USP37: variants seen among roughly 807,000 people sequenced by gnomAD.
USP37 encodes ubiquitin carboxyl-terminal hydrolase 37.
A neutral mutation model predicts 124.0 loss-of-function variants in USP37; 27 were observed. The observed-to-expected ratio is 0.22, with a 90% confidence interval of 0.16 to 0.30. USP37 has a LOEUF of 0.30. Among genes scored for constraint, USP37 ranks in the 10% least tolerant of loss-of-function variants. USP37 has a pLI of 1.00. For missense variants in USP37, 889 were observed against 1,140.4 expected, an observed-to-expected ratio of 0.78 and a Z score of 3.17; for synonymous variants, 365 against 388.0, an observed-to-expected ratio of 0.94 and a Z score of 0.70.
intron 8 of USP37, among the ~76,000 whole-genome samples, chr2:218,537,529 G>A (rs1691722489): frequency 6.6e-6 from 1 of 152,148 alleles, no homozygotes; most frequent in Non-Finnish European, 1.5e-5. Context: ...AGCCAAACTG[G>A]GCCCAGATAA....
At chr2:218,542,328 G>GT (rs2106038243) in intron 8 of USP37, among the ~76,000 whole-genome samples, 1 of 152,314 alleles carries the variant, frequency 6.6e-6, no homozygotes, top group South Asian at 2.1e-4. Context: ...GTAACCTAGT[G>GT]TTTAACAGAC....
chr2:218,568,347 C>T lies in USP37; in HGVS notation c.-399G>A, dbSNP rs1574978300. 6.5e-6 allele frequency: 1 copy of T among 152,900 alleles called. No homozygotes were observed. Among genetic ancestry groups the T allele is most frequent in the African/African-American group, 2.4e-5 (1 of 41,458 alleles). The allele number at this position is 152,900 out of a possible 1,614,324, so 9.5% of individuals were successfully genotyped here. ...TGATGGCGGGAACTGTGACCACACG[C>T]AAACACGCACGCACGCACGCACACT... On this transcript the variant is annotated 5_prime_UTR_variant, in exon 1 of 26. Transcript: ENST00000258399.
At chr2:218,500,447 A>C (rs1689316631) in intron 11 of USP37, among the ~76,000 whole-genome samples, 2 of 151,454 alleles carry the variant, frequency 1.3e-5, no homozygotes, top group Admixed American at 1.3e-4. Context: ...TTTTTAGTAG[A>C]GGTTTCATCA....
chr2:218,466,191 C>G lies in USP37; in HGVS notation c.2300-15G>C. ...ACTGGCAGGATCTGAGGAAGCAGAA[C>G]ATAACATTAATTTGGAAAATCCTAA... On this transcript the variant is annotated splice_polypyrimidine_tract_variant and intron_variant, in intron 20 of 25. Coordinates refer to ENST00000258399, the MANE Select transcript of USP37 (RefSeq NM_020935.3). 1 of 1,579,658 alleles carries G rather than the reference C, an allele frequency of 6.3e-7. No individual in the cohort carries two copies. Among genetic ancestry groups the G allele is most frequent in the Admixed American group, 2.0e-5 (1 of 51,226 alleles).
chr2:218,474,541 T>G lies in USP37; in HGVS notation c.2299+89A>C. 2.0e-6 allele frequency: 3 copies of G among 1,532,546 alleles called. No homozygotes were observed. In the South Asian group the frequency reaches 3.9e-5, roughly 20 times the overall value. The allele number at this position is 1,532,546 out of a possible 1,614,324, so 94.9% of individuals were successfully genotyped here. A position where few individuals can be genotyped will look rare whatever the true frequency, so the allele number is the denominator to read the frequency against. On this transcript the variant is annotated intron_variant, in intron 20 of 25. Transcript: ENST00000258399. ...CATGCTCAGCTAATTTTTCTATTTATCTCCCGTTATTTGGAGGTTATTTGT... is the reference window on the plus strand; with the variant it reads ...CATGCTCAGCTAATTTTTCTATTTAGCTCCCGTTATTTGGAGGTTATTTGT...
Position 218,495,960 on chromosome 2 carries a change from C to T in USP37, c.1282-10G>A. Reference sequence around the variant, plus strand: ...AAAATTCATGAGCATCCTAATAAGACAACAATATCCTTAATCAGATAAAAA... The same window carrying T: ...AAAATTCATGAGCATCCTAATAAGATAACAATATCCTTAATCAGATAAAAA... On this transcript the variant is annotated splice_polypyrimidine_tract_variant and intron_variant, in intron 13 of 25. Transcript: ENST00000258399. The T allele has an allele frequency of 6.2e-7, 1 of 1,603,212 alleles. No individual in the cohort carries two copies. Among genetic ancestry groups the T allele is most frequent in the South Asian group, 1.1e-5 (1 of 89,468 alleles).
chr2:218,558,119 A>C (rs1693125493), intron 4 of USP37, among the ~76,000 whole-genome samples: 1 of 152,056 alleles, frequency 6.6e-6, no homozygotes, highest in African/African-American at 2.4e-5. Flanking sequence ...GAAGACACTA[A>C]TAAATTCTGT....
intron 9 of USP37, among the ~76,000 whole-genome samples, chr2:218,531,308 C>T (rs1223431103): frequency 1.3e-5 from 2 of 152,192 alleles, no homozygotes; most frequent in Admixed American, 6.5e-5. Context: ...TATGCTAATT[C>T]TACTTGCCTG....
In USP37 at chr2:218,546,296, G is replaced by T. The variant is rs1167919533; in HGVS notation, c.605C>A (p.Thr202Asn). 1 of 1,608,588 alleles carries T rather than the reference G, an allele frequency of 6.2e-7. No homozygotes were observed. Among genetic ancestry groups the T allele is most frequent in the Non-Finnish European group, 8.5e-7 (1 of 1,177,522 alleles). The change falls in exon 8 of 26, where the codon ACT (threonine) becomes AAT (asparagine). Residue 202 changes from threonine to asparagine, a missense_variant and splice_region_variant. By Grantham distance (65) the Thr-to-Asn change is moderately conservative (BLOSUM62 0). Transcript: ENST00000258399. ...PLRSGLLENR[T>N]EKRKRMISTG... ...TGATATCATTCTTTTCCTCTTTTCA[G>T]TACTACAGAGAACAAAGAAAAGGTT...
At chr2:218,482,028 T>C in intron 17 of USP37, 42 bp downstream of exon 17, 1 of 1,535,280 alleles carries the variant, frequency 6.5e-7, no homozygotes, top group Non-Finnish European at 8.8e-7. Context: ...AGCCTTTCTA[T>C]TTCAAAAGGG....
chr2:218,479,662 G>C lies in USP37; in HGVS notation c.1889C>G (p.Ser630Cys). 6.2e-7 allele frequency: 1 copy of C among 1,612,670 alleles called. No individual in the cohort carries two copies. Among genetic ancestry groups the C allele is most frequent in the Non-Finnish European group, 8.5e-7 (1 of 1,179,222 alleles). ...AAATATAACTCACTTTGAAGGTGTA[G>C]AAGGGCTGGTGATGCAGGAATTCAC... Reference protein sequence around the residue: ...QMVNSCITSPSTPSKKFTFKS... With the variant: ...QMVNSCITSPCTPSKKFTFKS... The change falls in exon 18 of 26, where the codon TCT (serine) becomes TGT (cysteine). Residue 630 changes from serine (S) to cysteine (C), a missense_variant. Physicochemically the swap from Ser to Cys is moderately radical, Grantham distance 112. Coordinates refer to ENST00000258399, the MANE Select transcript of USP37 (RefSeq NM_020935.3).
chr2:218,476,895 C>T lies in USP37; in HGVS notation c.1988G>A (p.Ser663Asn). The T allele has an allele frequency of 6.2e-7, 1 of 1,610,222 alleles. No individual in the cohort carries two copies. The highest frequency in any genetic ancestry group is 8.5e-7 in the Non-Finnish European group (1 of 1,178,436). Reference sequence around the variant, plus strand: ...GCCTAACATTTCACAAAGTCTCTGGCTGAGGGCCACAGAACGTTTTAGCTC... The same window carrying T: ...GCCTAACATTTCACAAAGTCTCTGGTTGAGGGCCACAGAACGTTTTAGCTC... Reference protein sequence around the residue: ...EDELKRSVALSQRLCEMLGNE... With the variant: ...EDELKRSVALNQRLCEMLGNE... Residue 663 changes from serine (S) to asparagine (N), a missense_variant, in exon 19 of 26, where the codon AGC becomes AAC. By Grantham distance (46) the Ser-to-Asn change is conservative. Transcript: ENST00000258399.
At chr2:218,505,321 CATA>C (rs1689619733) in intron 11 of USP37, among the ~76,000 whole-genome samples, 2 of 152,100 alleles carry the variant, frequency 1.3e-5, no homozygotes, top group Non-Finnish European at 2.9e-5. Context: ...GCCCAGCTGA[CATA>C]ATGTTTATAT....
rs981239034 is a variant in USP37 at position 218,476,701 on chromosome 2, G to A, written c.2043+139C>T. ...ATTTCTCGTAAGTCTTGATCCATCT[G>A]TAAACAGACTGATTTCTGTAGCCAG... On this transcript the variant is annotated intron_variant, in intron 19 of 25. Coordinates refer to ENST00000258399, the MANE Select transcript of USP37 (RefSeq NM_020935.3). 5.0e-6 allele frequency: 5 copies of A among 1,007,556 alleles called. No individual in the cohort carries two copies. The African/African-American group carries it at 8.4e-5, about 17-fold the overall frequency. The allele number at this position is 1,007,556 out of a possible 1,614,324, so 62.4% of individuals were successfully genotyped here. A position where few individuals can be genotyped will look rare whatever the true frequency, so the allele number is the denominator to read the frequency against.
intron 16 of USP37, 68 bp downstream of exon 16, chr2:218,485,596 A>G (rs1691507690): frequency 3.4e-6 from 5 of 1,479,678 alleles, no homozygotes; most frequent in Non-Finnish European, 4.6e-6. Context: ...GAAAAATTGA[A>G]AAGCAATTAA....
intron 10 of USP37, among the ~76,000 whole-genome samples, chr2:218,510,645 AAAC>A (rs1283788574): frequency 2.0e-5 from 3 of 152,222 alleles, no homozygotes; most frequent in Non-Finnish European, 4.4e-5. Context: ...TTTATACTTC[AAAC>A]AACAGTGACC....
At chr2:218,546,545 A>G (rs576489331) in intron 7 of USP37, among the ~76,000 whole-genome samples, 74 of 152,064 alleles carry the variant, frequency 4.9e-4, no homozygotes, top group Non-Finnish European at 9.1e-4. Flanking sequence ...CAGCCTCCCG[A>G]GTAGCTGGGA....
intron 4 of USP37, among the ~76,000 whole-genome samples, chr2:218,557,096 T>C (rs1200854875): frequency 6.6e-6 from 1 of 152,080 alleles, no homozygotes; most frequent in Admixed American, 6.5e-5. Flanking sequence ...CTTGGACTCC[T>C]GGACTCAAGC....
intron 9 of USP37, among the ~76,000 whole-genome samples, chr2:218,530,757 T>C: frequency 6.6e-6 from 1 of 152,138 alleles, no homozygotes; most frequent in East Asian, 1.9e-4. Flanking sequence ...AAATTAAAAG[T>C]GCTACTCAAG....
Sources: gnomAD v4.1 joint callset for allele counts (sites outside exome capture counted in the v4.1 genomes callset) on GRCh38, gnomAD v4.1.1 for gene constraint, MANE v1.5 for transcripts, NCBI Gene and HGNC (gene_info 2026-07-23, HGNC 2026-07-21) for gene names.